HOMER1: variants seen among roughly 807,000 people sequenced by gnomAD.
HOMER1 encodes homer protein homolog 1.
A neutral mutation model predicts 48.9 loss-of-function variants in HOMER1; 3 were observed. The ratio of observed to expected loss-of-function variants is 0.06; its 90% confidence interval spans 0.03 to 0.16. HOMER1 has a LOEUF of 0.16. HOMER1 is among the 10% of genes least tolerant of loss of function. HOMER1 has a pLI of 1.00. For synonymous variants in HOMER1, 134 were observed against 146.4 expected, an observed-to-expected ratio of 0.92 and a Z score of 0.61; for missense variants, 247 against 411.4, an observed-to-expected ratio of 0.60 and a Z score of 3.46.
chr5:79,390,112 C>A (rs75331153), intron 8 of HOMER1, among the ~76,000 whole-genome samples: 21 of 152,094 alleles, frequency 1.4e-4, no homozygotes, highest in African/African-American at 4.3e-4. Context: ...AGAGTGAAAC[C>A]CCACTTCTAC....
chr5:79,456,496 C>A (rs1751181375), intron 2 of HOMER1, among the ~76,000 whole-genome samples: 1 of 152,210 alleles, frequency 6.6e-6, no homozygotes, highest in Non-Finnish European at 1.5e-5. Context: ...TGCTACTAGT[C>A]TGTAGCAGTA....
At chr5:79,478,789 T>A (rs530583321) in intron 1 of HOMER1, among the ~76,000 whole-genome samples, 4 of 152,092 alleles carry the variant, frequency 2.6e-5, no homozygotes, top group Non-Finnish European at 5.9e-5. Flanking sequence ...GTATCTCTAC[T>A]AAAAATACAA....
chr5:79,480,883 G>A lies in HOMER1; in HGVS notation c.6-23865C>T, dbSNP rs117849209. Among the ~76,000 whole-genome samples, 23 of 152,290 alleles carry A rather than the reference G, an allele frequency of 1.5e-4. No individual in the cohort carries two copies. In the East Asian group the frequency reaches 4.2e-3, roughly 28 times the overall value. The stretch of plus-strand genomic sequence containing the variant: ...CCTTGTCAAATTAATGGTCTAGTGG[G>A]GAGGGGAGGCAGACTACTAAATAAT... On this transcript the variant is annotated intron_variant, in intron 1 of 8. Transcript: ENST00000334082.
chr5:79,453,271 G>C (rs946769099), intron 2 of HOMER1, among the ~76,000 whole-genome samples: 1 of 152,150 alleles, frequency 6.6e-6, no homozygotes, highest in African/African-American at 2.4e-5. Flanking sequence ...TGTGTTTTCT[G>C]ACAAGGGCAT....
intron 5 of HOMER1, among the ~76,000 whole-genome samples, chr5:79,421,423 C>A (rs1342064211): frequency 6.6e-6 from 1 of 152,108 alleles, no homozygotes; most frequent in Non-Finnish European, 1.5e-5. Flanking sequence ...AGCTATACTA[C>A]TAAATCAATA....
intron 1 of HOMER1, among the ~76,000 whole-genome samples, chr5:79,474,206 ATTTTTTT>A (rs1009644672): frequency 9.1e-5 from 9 of 98,748 alleles, no homozygotes; most frequent in Non-Finnish European, 1.3e-4. Flanking sequence ...CCCAACCAAA[ATTTTTTT>A]TTTTTTTTTT....
chr5:79,503,058 A>G (rs1752647505), intron 1 of HOMER1, among the ~76,000 whole-genome samples: 1 of 151,836 alleles, frequency 6.6e-6, no homozygotes, highest in South Asian at 2.1e-4. Context: ...AAGTGCTGGG[A>G]TTACAGGCGT....
chr5:79,505,440 G>A (rs1165151835), intron 1 of HOMER1, among the ~76,000 whole-genome samples: 1 of 152,120 alleles, frequency 6.6e-6, no homozygotes, highest in Non-Finnish European at 1.5e-5. Flanking sequence ...GTAAAGTAAT[G>A]AAATTGTGTT....
rs114937368 is a variant in HOMER1 at position 79,405,687 on chromosome 5, T to C, written c.528-3632A>G. Among the ~76,000 whole-genome samples the C allele has an allele frequency of 3.0e-3, 460 of 152,348 alleles. 6 individuals carry two copies. Among genetic ancestry groups the C allele is most frequent in the African/African-American group, 0.01 (436 of 41,578 alleles). ...ACCAGCAAAACCTGGTGCTTGCCAA[T>C]CTGTGCAAGCTTAGTCAATGCACTA... is the stretch of plus-strand genomic sequence containing the variant. On this transcript the variant is annotated intron_variant, in intron 5 of 8. Coordinates refer to ENST00000334082, the MANE Select transcript of HOMER1 (RefSeq NM_004272.5).
At chr5:79,499,854 C>T (rs1418241710) in intron 1 of HOMER1, among the ~76,000 whole-genome samples, 1 of 152,186 alleles carries the variant, frequency 6.6e-6, no homozygotes, top group African/African-American at 2.4e-5. Flanking sequence ...TAAAATGCCA[C>T]AGTAAATTGT....
chr5:79,458,589 G>T (rs1309612356), intron 1 of HOMER1, among the ~76,000 whole-genome samples: 2 of 151,876 alleles, frequency 1.3e-5, no homozygotes, highest in East Asian at 1.9e-4. Flanking sequence ...TTAGAGAGTT[G>T]GTGTGAAAGT....
intron 8 of HOMER1, among the ~76,000 whole-genome samples, chr5:79,391,206 C>T (rs765470836): frequency 2.0e-5 from 3 of 150,074 alleles, no homozygotes; most frequent in South Asian, 2.1e-4. Context: ...GGCACAATCA[C>T]GGCTCACCGC....
At chr5:79,442,869 T>A (rs1750773503) in intron 4 of HOMER1, among the ~76,000 whole-genome samples, 1 of 152,206 alleles carries the variant, frequency 6.6e-6, no homozygotes, top group South Asian at 2.1e-4. Flanking sequence ...AAGATCCTCA[T>A]ATCCTCAGTC....
At chr5:79,446,846 G>T (rs137906119) in intron 4 of HOMER1, among the ~76,000 whole-genome samples, 1 of 143,432 alleles carries the variant, frequency 7.0e-6, no homozygotes, top group Non-Finnish European at 1.5e-5. Context: ...TAGAGATGAG[G>T]TCTCCCTATG....
rs922164668 is a variant in HOMER1 at position 79,444,265 on chromosome 5, G to A, written c.387+2788C>T. On this transcript the variant is annotated intron_variant, in intron 4 of 8. Coordinates refer to ENST00000334082, the MANE Select transcript of HOMER1 (RefSeq NM_004272.5). ...GTCACCCAGGCTGCAGTGCAGTGAC[G>A]TGATTGTAGCTCACTGCAGCCTCAA... 5.3e-4 allele frequency among the ~76,000 whole-genome samples: 80 copies of A among 152,232 alleles called. 1 individual carries two copies. Among genetic ancestry groups the A allele is most frequent in the African/African-American group, 1.6e-3 (68 of 41,548 alleles).
intron 1 of HOMER1, among the ~76,000 whole-genome samples, chr5:79,473,330 T>C (rs904867573): frequency 6.6e-5 from 10 of 152,234 alleles, no homozygotes; most frequent in Non-Finnish European, 1.5e-4. Flanking sequence ...GATTCTTTTT[T>C]TGTTTTTTTA....
chr5:79,393,244 A>G (rs1303874596), intron 8 of HOMER1, among the ~76,000 whole-genome samples: 1 of 152,212 alleles, frequency 6.6e-6, no homozygotes, highest in Non-Finnish European at 1.5e-5. Flanking sequence ...TCAGCTAGTG[A>G]TAAGTACTAA....
At chr5:79,489,793 C>T (rs1752218379) in intron 1 of HOMER1, among the ~76,000 whole-genome samples, 1 of 152,146 alleles carries the variant, frequency 6.6e-6, no homozygotes, top group South Asian at 2.1e-4. Flanking sequence ...AAGAGAAAAA[C>T]AGTCCCTCTG....
chr5:79,509,523 C>A (rs192843244), intron 1 of HOMER1, among the ~76,000 whole-genome samples: 39 of 152,280 alleles, frequency 2.6e-4, no homozygotes, highest in African/African-American at 8.7e-4. Context: ...CTAACAGGGG[C>A]TCCTCACTGA....
Sources: allele counts gnomAD v4.1 joint callset (sites outside exome capture counted in the v4.1 genomes callset), GRCh38; gene constraint gnomAD v4.1.1; transcripts MANE v1.5; gene names NCBI Gene and HGNC (gene_info 2026-07-23, HGNC 2026-07-21).